Variants in ACVR1C observed in about 807,000 individuals in gnomAD.
ACVR1C encodes the protein activin receptor type-1C.
Under a neutral mutation model 57.9 loss-of-function variants are expected in ACVR1C, and 23 were observed. The ratio of observed to expected loss-of-function variants is 0.40; its 90% CI spans 0.29 to 0.56. The LOEUF (loss-of-function observed/expected upper bound fraction) is 0.56. ACVR1C is among the 20% of genes least tolerant of loss of function. The pLI is 0.50. For synonymous variants in ACVR1C, 214 were observed against 215.3 expected (o/e 0.99, Z 0.05); for missense variants, 480 against 607.9 (o/e 0.79, Z 2.21).
chr2:157,553,396 C>CTT (rs534657737), intron 3 of ACVR1C, among the ~76,000 whole-genome samples: 41 of 146,902 alleles, frequency 2.8e-4, no homozygotes, highest in African/African-American at 7.9e-4. Flanking sequence ...ACATTTACTA[C>CTT]TTTTTTTTTT....
chr2:157,551,988 C>T (rs1023655509), intron 3 of ACVR1C, among the ~76,000 whole-genome samples: 15 of 152,188 alleles, frequency 9.9e-5, no homozygotes, highest in African/African-American at 3.4e-4. Context: ...GATGGCAAAA[C>T]TGAGGCCCCT....
chr2:157,591,550 AT>A (rs1257642619), intron 1 of ACVR1C, among the ~76,000 whole-genome samples: 1 of 152,050 alleles, frequency 6.6e-6, no homozygotes, highest in Non-Finnish European at 1.5e-5. Flanking sequence ...TTGCTGCACT[AT>A]GGTTATTCTT....
chr2:157,564,056 G>A (rs991501179), intron 2 of ACVR1C, among the ~76,000 whole-genome samples: 3 of 152,180 alleles, frequency 2.0e-5, no homozygotes, highest in African/African-American at 7.2e-5. Context: ...ATAGGCATGG[G>A]CAAAGATTTC....
intron 3 of ACVR1C, 27 bp downstream of exon 3, chr2:157,556,066 T>A (rs769096029): frequency 6.3e-7 from 1 of 1,585,094 alleles, no homozygotes; most frequent in Admixed American, 1.9e-5. Context: ...TTTTCTTATT[T>A]TAAAAAAATG....
rs150613067 is a variant in ACVR1C, at chr2:157,560,248, C to T, written c.305-3916G>A. Among the ~76,000 whole-genome samples the T allele has an allele frequency of 7.2e-5, 11 of 152,310 alleles. No individual in the cohort carries two copies. The East Asian group carries it at 1.9e-3, about 27-fold the overall frequency. On this transcript the variant is annotated intron_variant, in intron 2 of 8. Transcript: ENST00000243349. The stretch of plus-strand genomic sequence containing the variant: ...GATAAGACAATGTAGGCATGATCCC[C>T]ACATTTCCTTCTCTGCTCCTTCTTT...
chr2:157,573,724 T>C (rs765085866), intron 2 of ACVR1C, among the ~76,000 whole-genome samples: 8 of 152,168 alleles, frequency 5.3e-5, no homozygotes, highest in Non-Finnish European at 7.3e-5. Context: ...TTGGTGCTAT[T>C]TGACATCATC....
chr2:157,599,048 G>C (rs1007583140), intron 1 of ACVR1C, among the ~76,000 whole-genome samples: 1 of 151,896 alleles, frequency 6.6e-6, no homozygotes, highest in African/African-American at 2.4e-5. Flanking sequence ...GAAAAAAGCT[G>C]AATAGGCCGG....
chr2:157,621,931 G>A (rs994625042), intron 1 of ACVR1C, among the ~76,000 whole-genome samples: 1 of 151,998 alleles, frequency 6.6e-6, no homozygotes, highest in African/African-American at 2.4e-5. Flanking sequence ...ATGCTACTGG[G>A]GACAAAAGCT....
At chr2:157,593,233 C>T (rs536630054) in intron 1 of ACVR1C, among the ~76,000 whole-genome samples, 2 of 152,178 alleles carry the variant, frequency 1.3e-5, no homozygotes, top group East Asian at 1.9e-4. Flanking sequence ...CATCTGACTA[C>T]AAAAAAGAAC....
At chr2:157,613,208 C>T (rs1682570364) in intron 1 of ACVR1C, among the ~76,000 whole-genome samples, 1 of 152,150 alleles carries the variant, frequency 6.6e-6, no homozygotes. Context: ...TGTGACTTTT[C>T]TGTTGATCTC....
At chr2:157,610,764 AC>A (rs1682513857) in intron 1 of ACVR1C, among the ~76,000 whole-genome samples, 2 of 151,768 alleles carry the variant, frequency 1.3e-5, no homozygotes, top group Non-Finnish European at 1.5e-5. Flanking sequence ...GTCTGACCAG[AC>A]TTTTTTGAAA....
chr2:157,623,644 G>T (rs952013712), intron 1 of ACVR1C, among the ~76,000 whole-genome samples: 1 of 151,984 alleles, frequency 6.6e-6, no homozygotes, highest in African/African-American at 2.4e-5. Flanking sequence ...ATGGTTAATG[G>T]GTACAAAAAT....
At chr2:157,579,708 G>C (rs895280335) in intron 2 of ACVR1C, among the ~76,000 whole-genome samples, 1 of 152,172 alleles carries the variant, frequency 6.6e-6, no homozygotes, top group Non-Finnish European at 1.5e-5. Context: ...AAATATGGAA[G>C]TAGGCTGGTG....
Position 157,582,729 on chromosome 2 carries a change from G to A in ACVR1C, c.304+4458C>T, listed in dbSNP as rs149915288. 1.4e-3 allele frequency among the ~76,000 whole-genome samples: 218 copies of A among 152,170 alleles called. 5 individuals are homozygous for A. The East Asian group carries it at 0.033, about 23-fold the overall frequency. On this transcript the variant is annotated intron_variant, in intron 2 of 8. Transcript: ENST00000243349. The stretch of plus-strand genomic sequence containing the variant: ...TGGCTGTCCCATCCAGTGCAAAAAC[G>A]CAAGGAAAAGAAGTAAAATTCTGTA...
chr2:157,614,736 C>T (rs1682603397), intron 1 of ACVR1C, among the ~76,000 whole-genome samples: 1 of 152,136 alleles, frequency 6.6e-6, no homozygotes, highest in South Asian at 2.1e-4. Flanking sequence ...ATTTCTATCA[C>T]TATGGAATAT....
chr2:157,595,565 GT>G (rs1682076160), intron 1 of ACVR1C, among the ~76,000 whole-genome samples: 2 of 152,166 alleles, frequency 1.3e-5, no homozygotes, highest in Admixed American at 6.5e-5. Context: ...ACATCAAACT[GT>G]TCCCCAGTAA....
chr2:157,536,358 C>T (rs1687488036), intron 8 of ACVR1C, among the ~76,000 whole-genome samples: 1 of 152,144 alleles, frequency 6.6e-6, no homozygotes, highest in Non-Finnish European at 1.5e-5. Context: ...ATACTGAAGA[C>T]ATCATAGAGA....
At position 157,530,647 on chromosome 2, in the gene ACVR1C, A is replaced by G. The variant is rs186299595; in HGVS notation, c.*3271T>C. ...ATACTGCAACCAGGTTACTATTTTC[A>G]TACAATCATGGAAATTTAAAATGCA... On this transcript the variant is annotated 3_prime_UTR_variant, in exon 9 of 9. Coordinates refer to ENST00000243349, the MANE Select transcript of ACVR1C (RefSeq NM_145259.3). The G allele has an allele frequency of 1.8e-4, 28 of 152,230 alleles. No individual in the cohort carries two copies. The highest frequency in any genetic ancestry group is 7.9e-4 in the Admixed American group (12 of 15,266). The allele number at this position is 152,230 out of a possible 1,614,324, so 9.4% of individuals were successfully genotyped here.
At chr2:157,582,642 C>T (rs1407724000) in intron 2 of ACVR1C, among the ~76,000 whole-genome samples, 1 of 152,124 alleles carries the variant, frequency 6.6e-6, no homozygotes, top group Non-Finnish European at 1.5e-5. Flanking sequence ...TGAATGCACT[C>T]CTCCTAGAAT....
Sources: allele counts gnomAD v4.1 joint callset (sites outside exome capture counted in the v4.1 genomes callset), GRCh38; gene constraint gnomAD v4.1.1; transcripts MANE v1.5; gene names NCBI Gene and HGNC (gene_info 2026-07-23, HGNC 2026-07-21).